Variants in NCOA3 observed in about 807,000 individuals in gnomAD.
The protein encoded by NCOA3 is CBP-interacting protein.
NCOA3 carries 51 observed loss-of-function variants against 158.8 expected under a neutral mutation model. That is an observed-to-expected ratio of 0.32 (90% CI 0.26 to 0.41). The LOEUF (loss-of-function observed/expected upper bound fraction) is 0.41, where lower values mean the gene tolerates loss of function less well. Ranked by LOEUF, NCOA3 falls within the 10% of genes least tolerant of loss-of-function variation. The pLI is 1.00. For synonymous variants in NCOA3, 537 were observed against 592.4 expected (o/e 0.91, Z 1.36); for missense variants, 1,510 against 1,746.6 (o/e 0.86, Z 2.41).
intron 8 of NCOA3, chr20:47,630,309 T>C (rs1384102610): frequency 2.0e-5 from 3 of 152,178 alleles, no homozygotes; most frequent in Admixed American, 2.0e-4. Context: ...GTCAGCTTAT[T>C]CAATATTAGT....
chr20:47,602,781 C>T (rs1449634500), intron 2 of NCOA3, among the ~76,000 whole-genome samples: 4 of 152,170 alleles, frequency 2.6e-5, no homozygotes, highest in African/African-American at 9.7e-5. Context: ...AAGGTACCAT[C>T]TAAACTGTTG....
At chr20:47,568,562 A>G (rs1379181776) in intron 1 of NCOA3, among the ~76,000 whole-genome samples, 1 of 152,092 alleles carries the variant, frequency 6.6e-6, no homozygotes, top group Admixed American at 6.6e-5. Context: ...TGGGGAAGCT[A>G]AGGCAGGTGG....
intron 1 of NCOA3, among the ~76,000 whole-genome samples, chr20:47,562,921 T>C (rs1190059342): frequency 2.0e-5 from 3 of 152,246 alleles, no homozygotes; most frequent in Non-Finnish European, 4.4e-5. Context: ...AAGTAATTTT[T>C]TAAAAATAAT....
At chr20:47,512,275 A>C (rs1268542840) in intron 1 of NCOA3, among the ~76,000 whole-genome samples, 1 of 152,166 alleles carries the variant, frequency 6.6e-6, no homozygotes, top group African/African-American at 2.4e-5. Flanking sequence ...TCCAACTTAA[A>C]AATAGGCAAA....
chr20:47,504,928 A>G (rs986075103), intron 1 of NCOA3, among the ~76,000 whole-genome samples: 1 of 150,028 alleles, frequency 6.7e-6, no homozygotes, highest in African/African-American at 2.4e-5. Flanking sequence ...AGTTTGGACA[A>G]TAGGGTAAGA....
At position 47,633,984 on chromosome 20, in the gene NCOA3, C is replaced by T. The variant is rs1461539607; in HGVS notation, c.965-64C>T. The T allele has an allele frequency of 1.9e-6, 3 of 1,549,710 alleles. No homozygotes were observed. In the African/African-American group the frequency reaches 4.1e-5, roughly 21 times the overall value. On this transcript the variant is annotated intron_variant, in intron 9 of 22. Transcript: ENST00000371998. ...TACTTGAAGTATATTTCCTCCCTGT[C>T]CCCTCCTATATATATTTGTTTTGCT...
chr20:47,617,736 G>T (rs1264439508), intron 2 of NCOA3, among the ~76,000 whole-genome samples: 6 of 152,190 alleles, frequency 3.9e-5, no homozygotes, highest in Non-Finnish European at 8.8e-5. Flanking sequence ...TTGGGGACCA[G>T]AAATGCTTTT....
Position 47,653,450 on chromosome 20 carries a change from C to G in NCOA3, c.*33C>G. On this transcript the variant is annotated 3_prime_UTR_variant, in exon 23 of 23. Transcript: ENST00000371998. ...GCACCAGGACCTCTTAAGGAAACCA[C>G]TGTACAAATGACACTGCACTAGGAT... 6.3e-7 allele frequency: 1 copy of G among 1,595,196 alleles called. No individual in the cohort carries two copies. Among genetic ancestry groups the G allele is most frequent in the South Asian group, 1.1e-5 (1 of 89,698 alleles).
intron 1 of NCOA3, among the ~76,000 whole-genome samples, chr20:47,540,300 G>A (rs1472302533): frequency 3.9e-5 from 6 of 152,046 alleles, no homozygotes; most frequent in Admixed American, 3.3e-4. Flanking sequence ...TGGCTGGGGC[G>A]CGGTGGCTTA....
intron 1 of NCOA3, among the ~76,000 whole-genome samples, chr20:47,525,553 G>A (rs2084417450): frequency 1.4e-5 from 2 of 144,854 alleles, no homozygotes; most frequent in Non-Finnish European, 1.5e-5. Flanking sequence ...GCGGCTGGCC[G>A]GACGGGGGGC....
intron 1 of NCOA3, among the ~76,000 whole-genome samples, chr20:47,572,605 C>T (rs185490135): frequency 6.6e-6 from 1 of 151,906 alleles, no homozygotes; most frequent in Admixed American, 6.6e-5. Context: ...GGAACAATCT[C>T]AGCTCACTGC....
At chr20:47,616,423 C>T (rs1411249140) in intron 2 of NCOA3, among the ~76,000 whole-genome samples, 2 of 151,912 alleles carry the variant, frequency 1.3e-5, no homozygotes, top group Non-Finnish European at 2.9e-5. Context: ...GAACTCCTGA[C>T]CTCAGGTGAT....
intron 1 of NCOA3, among the ~76,000 whole-genome samples, chr20:47,507,095 T>C (rs1048302363): frequency 4.6e-5 from 7 of 152,232 alleles, no homozygotes; most frequent in African/African-American, 1.4e-4. Context: ...GGGAAAGGAC[T>C]GCAGAAGTCA....
intron 1 of NCOA3, among the ~76,000 whole-genome samples, chr20:47,514,404 T>A (rs936310692): frequency 1.2e-4 from 18 of 151,884 alleles, no homozygotes; most frequent in Non-Finnish European, 2.6e-4. Flanking sequence ...TCTTTTTTTA[T>A]TTTTTTTGAG....
intron 1 of NCOA3, among the ~76,000 whole-genome samples, chr20:47,506,802 G>C (rs1602312136): frequency 6.6e-6 from 1 of 151,748 alleles, no homozygotes; most frequent in Non-Finnish European, 1.5e-5. Context: ...TTTTTTTATT[G>C]ATATGTTCTA....
intron 13 of NCOA3, among the ~76,000 whole-genome samples, chr20:47,638,608 T>C (rs750437254): frequency 6.6e-6 from 1 of 152,142 alleles, no homozygotes; most frequent in African/African-American, 2.4e-5. Flanking sequence ...AGGCAACTTA[T>C]CTGGTTAAGT....
chr20:47,609,831 G>A (rs1326796016), intron 2 of NCOA3, among the ~76,000 whole-genome samples: 1 of 151,374 alleles, frequency 6.6e-6, no homozygotes, highest in Admixed American at 6.6e-5. Flanking sequence ...ATTTTTTAAT[G>A]TTGTATTTTA....
At position 47,655,808 on chromosome 20, in the gene NCOA3, C is replaced by T. The variant is rs533048404; in HGVS notation, c.*2391C>T. ...ATAAATTTTTTTGCAATCCTTTCCT[C>T]AGACCTGGCTCCAGGCTAACTGGAA... is the stretch of plus-strand genomic sequence containing the variant. On this transcript the variant is annotated 3_prime_UTR_variant, in exon 23 of 23. Transcript: ENST00000371998. 4 of 152,570 alleles carry T rather than the reference C, an allele frequency of 2.6e-5. No homozygotes were observed. In the South Asian group the frequency reaches 8.3e-4, roughly 32 times the overall value. The allele number at this position is 152,570 out of a possible 1,614,324, so 9.5% of individuals were successfully genotyped here. A position where few individuals can be genotyped will look rare whatever the true frequency, so the allele number is the denominator to read the frequency against.
At chr20:47,541,374 C>CCCTCT (rs2084729170) in intron 1 of NCOA3, among the ~76,000 whole-genome samples, 1 of 124 alleles carries the variant, frequency 8.1e-3, no homozygotes, top group Non-Finnish European at 0.016. Flanking sequence ...CCCTCCCCTC[C>CCCTCT]CCTCCCCTCC....
Sources: gnomAD v4.1 joint callset for allele counts (sites outside exome capture counted in the v4.1 genomes callset) on GRCh38, gnomAD v4.1.1 for gene constraint, MANE v1.5 for transcripts, NCBI Gene and HGNC (gene_info 2026-07-23, HGNC 2026-07-21) for gene names.